Variants in DOCK3 observed in about 807,000 individuals in gnomAD.
DOCK3 encodes the protein dedicator of cytokinesis protein 3.
Under a neutral mutation model 265.6 loss-of-function variants are expected in DOCK3, and 60 were observed. That is an observed-to-expected ratio of 0.23 (90% CI 0.18 to 0.28). The LOEUF (loss-of-function observed/expected upper bound fraction) is 0.28, where lower values mean the gene tolerates loss of function less well. Among genes scored for constraint, DOCK3 ranks in the 10% least tolerant of loss-of-function variants. The probability of loss-of-function intolerance (pLI) is 1.00; values close to 1 mark genes in which losing one functional copy is unlikely to be tolerated. For missense variants in DOCK3, 1,981 were observed against 2,594.3 expected, an observed-to-expected ratio of 0.76 and a Z score of 5.14; for synonymous variants, 881 against 938.0, an observed-to-expected ratio of 0.94 and a Z score of 1.11.
intron 3 of DOCK3, among the ~76,000 whole-genome samples, chr3:50,874,056 C>CT (rs2047573246): frequency 1.8e-5 from 2 of 109,964 alleles, no homozygotes; most frequent in African/African-American, 6.8e-5. Flanking sequence ...TTTTTTTTTT[C>CT]TTTTCTTTTG....
At chr3:50,769,466 A>G (rs964185286) in intron 1 of DOCK3, among the ~76,000 whole-genome samples, 2 of 152,184 alleles carry the variant, frequency 1.3e-5, no homozygotes, top group African/African-American at 4.8e-5. Context: ...TTCCTTTACA[A>G]TATGGACCTA....
intron 27 of DOCK3, among the ~76,000 whole-genome samples, chr3:51,285,476 A>T (rs2081354078): frequency 1.3e-5 from 2 of 151,882 alleles, no homozygotes; most frequent in South Asian, 4.1e-4. Context: ...CAGAAAGTAT[A>T]CATAAGTACC....
intron 13 of DOCK3, among the ~76,000 whole-genome samples, chr3:51,210,109 G>A (rs929141002): frequency 2.0e-5 from 3 of 152,142 alleles, no homozygotes; most frequent in Non-Finnish European, 2.9e-5. Context: ...TTGACTACAC[G>A]TTCGTGGGAC....
chr3:51,057,415 A>C (rs1369442868), intron 5 of DOCK3, among the ~76,000 whole-genome samples: 1 of 152,226 alleles, frequency 6.6e-6, no homozygotes, highest in Non-Finnish European at 1.5e-5. Context: ...TCTTCTGCCC[A>C]ATCTCCTCCT....
chr3:50,992,391 A>G (rs1422792686), intron 5 of DOCK3, among the ~76,000 whole-genome samples: 3 of 152,188 alleles, frequency 2.0e-5, no homozygotes, highest in South Asian at 2.1e-4. Context: ...TCCATCTGCC[A>G]GGTTCCAGCT....
intron 1 of DOCK3, among the ~76,000 whole-genome samples, chr3:50,741,446 C>T (rs1181957561): frequency 2.4e-5 from 3 of 124,490 alleles, no homozygotes; most frequent in South Asian, 2.7e-4. Context: ...CACAACAGTC[C>T]GCAGAGTGTG....
At chr3:51,326,691 G>A (rs1472526903) in intron 32 of DOCK3, among the ~76,000 whole-genome samples, 4 of 151,148 alleles carry the variant, frequency 2.6e-5, no homozygotes, top group Non-Finnish European at 5.9e-5. Flanking sequence ...GCATGATCTT[G>A]GCTCACTGCA....
intron 49 of DOCK3, among the ~76,000 whole-genome samples, chr3:51,372,376 G>A (rs1185916015): frequency 1.3e-5 from 2 of 152,208 alleles, no homozygotes; most frequent in Non-Finnish European, 2.9e-5. Flanking sequence ...AAGTGAAGTG[G>A]TAGAGTTAAA....
intron 12 of DOCK3, among the ~76,000 whole-genome samples, chr3:51,161,746 T>C (rs1327387211): frequency 2.0e-5 from 3 of 152,234 alleles, no homozygotes; most frequent in African/African-American, 7.2e-5. Flanking sequence ...AGCTGGCTAA[T>C]GATCAAGATT....
intron 2 of DOCK3, among the ~76,000 whole-genome samples, chr3:50,788,688 C>T (rs958418118): frequency 6.6e-6 from 1 of 152,076 alleles, no homozygotes; most frequent in Non-Finnish European, 1.5e-5. Context: ...GACCTGGCCT[C>T]GGCTGCTGGC....
chr3:51,049,962 T>C (rs182316813), intron 5 of DOCK3, among the ~76,000 whole-genome samples: 126 of 152,100 alleles, frequency 8.3e-4, no homozygotes, highest in African/African-American at 2.9e-3. Context: ...CCATTTACAA[T>C]AGCATCAAAA....
chr3:50,787,869 T>TA, intron 2 of DOCK3: 1 of 1,062,768 alleles, frequency 9.4e-7, no homozygotes, highest in Admixed American at 1.8e-5. Flanking sequence ...TGAGAAGAGG[T>TA]ACCCTTTTCC....
intron 27 of DOCK3, among the ~76,000 whole-genome samples, chr3:51,291,740 T>C (rs541865701): frequency 8.8e-4 from 134 of 152,236 alleles, no homozygotes; most frequent in African/African-American, 3.1e-3. Flanking sequence ...ATTTCCAAAC[T>C]CATTTCATGG....
chr3:51,338,843 T>G (rs578108457), intron 36 of DOCK3, 92 bp from the exon 37 acceptor site: 1 of 1,101,862 alleles, frequency 9.1e-7, no homozygotes, highest in South Asian at 1.4e-5. Context: ...CTCCCCCTCC[T>G]GCCCAGCACA....
At chr3:50,717,610 A>G (rs1432006674) in intron 1 of DOCK3, among the ~76,000 whole-genome samples, 2 of 152,084 alleles carry the variant, frequency 1.3e-5, no homozygotes, top group South Asian at 2.1e-4. Flanking sequence ...TACTAATAAC[A>G]AAGTGTCTTT....
chr3:51,156,590 A>C (rs2085862211), intron 10 of DOCK3, among the ~76,000 whole-genome samples: 2 of 152,236 alleles, frequency 1.3e-5, no homozygotes, highest in Non-Finnish European at 2.9e-5. Flanking sequence ...AATTCTGTGG[A>C]ACTCACAAAT....
chr3:51,336,889 T>G (rs2084911699), intron 35 of DOCK3: 1 of 456,130 alleles, frequency 2.2e-6, no homozygotes, highest in Non-Finnish European at 4.4e-6. Flanking sequence ...CCAAAGTGGC[T>G]AGGTAAAATC....
chr3:51,226,452 G>C (rs1485336976), intron 15 of DOCK3, among the ~76,000 whole-genome samples: 4 of 152,208 alleles, frequency 2.6e-5, no homozygotes, highest in African/African-American at 9.7e-5. Flanking sequence ...CTGTGAGATA[G>C]AACAGGAATG....
At chr3:50,832,057 G>T (rs1257062999) in intron 2 of DOCK3, among the ~76,000 whole-genome samples, 1 of 151,924 alleles carries the variant, frequency 6.6e-6, no homozygotes, top group African/African-American at 2.4e-5. Flanking sequence ...CATATCCTTT[G>T]CCCACTTTTT....
Sources: gnomAD v4.1 joint callset for allele counts (sites outside exome capture counted in the v4.1 genomes callset) on GRCh38, gnomAD v4.1.1 for gene constraint, MANE v1.5 for transcripts, NCBI Gene and HGNC (gene_info 2026-07-23, HGNC 2026-07-21) for gene names.